The following PCLO variants were observed in gnomAD, a reference collection of about 807,000 sequenced individuals.
PCLO encodes the protein protein piccolo.
PCLO carries 82 observed loss-of-function variants against 427.5 expected under a neutral mutation model. That is an observed-to-expected ratio of 0.19 (90% CI 0.16 to 0.23). PCLO has a LOEUF of 0.23. Ranked by LOEUF, PCLO falls within the 10% of genes least tolerant of loss-of-function variation. The probability of loss-of-function intolerance (pLI) is 1.00; values close to 1 mark genes in which losing one functional copy is unlikely to be tolerated. For synonymous variants in PCLO, 2,357 were observed against 2,155.4 expected, an observed-to-expected ratio of 1.09 and a Z score of -2.59; for missense variants, 6,239 against 6,115.9, an observed-to-expected ratio of 1.02 and a Z score of -0.67.
chr7:82,836,188 T>C (rs971200796), intron 15 of PCLO, among the ~76,000 whole-genome samples: 6 of 152,132 alleles, frequency 3.9e-5, no homozygotes, highest in African/African-American at 1.2e-4. Flanking sequence ...AAATAAAAGA[T>C]AGATACTCCC....
intron 12 of PCLO, 94 bp from the exon 13 acceptor site, chr7:82,845,579 A>G: frequency 1.3e-6 from 1 of 776,362 alleles, no homozygotes; most frequent in African/African-American, 1.7e-5. Context: ...AAGGTAAAAC[A>G]TTACCTATAA....
chr7:82,792,229 T>G (rs1053204220), intron 22 of PCLO, among the ~76,000 whole-genome samples: 1 of 152,276 alleles, frequency 6.6e-6, no homozygotes, highest in South Asian at 2.1e-4. Context: ...GAAAATTATT[T>G]ACTTCAAATA....
At chr7:82,869,881 A>G (rs1298359206) in intron 10 of PCLO, among the ~76,000 whole-genome samples, 4 of 152,050 alleles carry the variant, frequency 2.6e-5, no homozygotes, top group Non-Finnish European at 5.9e-5. Context: ...AAAACATGAA[A>G]TATCTTTTCA....
intron 3 of PCLO, among the ~76,000 whole-genome samples, chr7:83,048,451 A>G (rs1425271231): frequency 6.6e-6 from 1 of 152,100 alleles, no homozygotes; most frequent in Non-Finnish European, 1.5e-5. Flanking sequence ...GATCTTCTTC[A>G]GTGACATAAA....
intron 10 of PCLO, among the ~76,000 whole-genome samples, chr7:82,867,125 T>A (rs1793115753): frequency 6.6e-6 from 1 of 152,136 alleles, no homozygotes; most frequent in Middle Eastern, 3.2e-3. Context: ...TTGGTCCAGG[T>A]GCAGCGGCTC....
chr7:83,112,333 G>A (rs1452033501), intron 3 of PCLO, among the ~76,000 whole-genome samples: 1 of 152,184 alleles, frequency 6.6e-6, no homozygotes, highest in Admixed American at 6.5e-5. Flanking sequence ...TGGGATTACA[G>A]GCGTGAGCCA....
Position 82,956,824 on chromosome 7 carries a change from T to A in PCLO, c.4129A>T (p.Ile1377Phe), listed in dbSNP as rs1297455649. 2 of 1,613,440 alleles carry A rather than the reference T, an allele frequency of 1.2e-6. No individual in the cohort carries two copies. Among genetic ancestry groups the A allele is most frequent in the African/African-American group, 2.7e-5 (2 of 74,912 alleles). ...SDGISSSLGE[I>F]PSLIPTDEKD... ...TCATCAGTTGGAATAAGACTTGGAA[T>A]TTCACCAAGTGAGCTTGATATTCCA... Residue 1377 changes from isoleucine to phenylalanine, a missense_variant, in exon 5 of 25, where the codon ATT becomes TTT. Ile to Phe is a conservative substitution (Grantham distance 21). Around this residue, in one of 5 missense-constraint regions of PCLO, gnomAD observed 4,677 missense variants for 4,468.4 expected, o/e 1.05. Coordinates refer to ENST00000333891, the MANE Select transcript of PCLO (RefSeq NM_033026.6).
intron 10 of PCLO, among the ~76,000 whole-genome samples, chr7:82,876,443 C>A (rs1793371546): frequency 7.7e-6 from 1 of 130,136 alleles, no homozygotes; most frequent in Admixed American, 8.3e-5. Context: ...GAACTATAGA[C>A]AAAAACAAGT....
chr7:83,099,985 CTTA>C (rs1317848297), intron 3 of PCLO, among the ~76,000 whole-genome samples: 1 of 63,838 alleles, frequency 1.6e-5, no homozygotes, highest in African/African-American at 4.0e-5. Context: ...ATTTACTATA[CTTA>C]TTATATTAAA....
intron 3 of PCLO, among the ~76,000 whole-genome samples, chr7:83,105,138 C>G (rs979304014): frequency 1.3e-5 from 2 of 152,096 alleles, no homozygotes; most frequent in African/African-American, 4.8e-5. Flanking sequence ...AGCTATGATA[C>G]AGATGACAAA....
intron 3 of PCLO, among the ~76,000 whole-genome samples, chr7:83,023,784 G>C (rs1179000606): frequency 1.3e-5 from 2 of 152,164 alleles, no homozygotes; most frequent in African/African-American, 4.8e-5. Context: ...GCCCACCACA[G>C]TGCAGAAGAG....
intron 3 of PCLO, among the ~76,000 whole-genome samples, chr7:82,995,779 C>T (rs1179879685): frequency 1.3e-5 from 2 of 151,776 alleles, no homozygotes; most frequent in Non-Finnish European, 1.5e-5. Context: ...TTATCTCATT[C>T]AGTTTTGTGA....
intron 3 of PCLO, among the ~76,000 whole-genome samples, chr7:82,978,087 C>T (rs1291253616): frequency 5.3e-5 from 8 of 151,352 alleles, no homozygotes; most frequent in Non-Finnish European, 1.2e-4. Context: ...ATATATAAGA[C>T]CATAGCTAGA....
intron 3 of PCLO, among the ~76,000 whole-genome samples, chr7:83,039,099 T>G (rs1788905504): frequency 6.6e-6 from 1 of 152,084 alleles, no homozygotes; most frequent in South Asian, 2.1e-4. Context: ...AAGAGCATTC[T>G]AATAGTTAAT....
intron 9 of PCLO, among the ~76,000 whole-genome samples, chr7:82,879,675 C>T (rs7802315): frequency 2.0e-5 from 3 of 152,142 alleles, no homozygotes; most frequent in Middle Eastern, 3.4e-3. Flanking sequence ...CAATGATTGA[C>T]CTGATATTAA....
chr7:82,754,101 A>G lies in PCLO; in HGVS notation c.*4474T>C, dbSNP rs901514860. ...GTTATCAAGATACATCTTGTATACA[A>G]TCACAAAACCAAGACATATTTTTAC... On this transcript the variant is annotated 3_prime_UTR_variant, in exon 25 of 25. Coordinates refer to ENST00000333891, the MANE Select transcript of PCLO (RefSeq NM_033026.6). The G allele has an allele frequency of 6.6e-6, 1 of 152,152 alleles. No individual in the cohort carries two copies. The highest frequency in any genetic ancestry group is 1.5e-5 in the Non-Finnish European group (1 of 68,004). 9.4% of individuals were successfully genotyped at this position (152,152 alleles called of 1,614,324 possible).
In PCLO at chr7:82,952,108, A is replaced by G; in HGVS notation, c.8845T>C (p.Phe2949Leu). 6.2e-7 allele frequency: 1 copy of G among 1,613,918 alleles called. No individual in the cohort carries two copies. Among genetic ancestry groups the G allele is most frequent in the Non-Finnish European group, 8.5e-7 (1 of 1,179,856 alleles). The change falls in exon 5 of 25, where the codon TTT (phenylalanine) becomes CTT (leucine). Residue 2949 changes from phenylalanine (F) to leucine (L), a missense_variant. Phe to Leu is a conservative substitution (Grantham distance 22). This residue lies in a region of PCLO where 4,677 missense variants were observed against 4,468.4 expected (regional missense o/e 1.05). Transcript: ENST00000333891. ...VCCDVVYKLPFGRSCTAQQPA... is the reference protein window; with the variant it reads ...VCCDVVYKLPLGRSCTAQQPA... ...TGCTGTGCTGTGCAGCTCCTTCCAAATGGTAATTTATAAACCACATCACAG... is the reference window on the plus strand; with the variant it reads ...TGCTGTGCTGTGCAGCTCCTTCCAAGTGGTAATTTATAAACCACATCACAG...
intron 13 of PCLO, among the ~76,000 whole-genome samples, chr7:82,842,595 T>G (rs1420358108): frequency 6.6e-6 from 1 of 151,984 alleles, no homozygotes; most frequent in African/African-American, 2.4e-5. Context: ...CTGCTGATTG[T>G]TTCAATCAAC....
At chr7:83,002,996 T>G (rs1787860172) in intron 3 of PCLO, among the ~76,000 whole-genome samples, 1 of 151,644 alleles carries the variant, frequency 6.6e-6, no homozygotes, top group Non-Finnish European at 1.5e-5. Flanking sequence ...TCATTTTAGA[T>G]TTATTTTTCC....
Sources: gnomAD v4.1 joint callset for allele counts (sites outside exome capture counted in the v4.1 genomes callset) on GRCh38, gnomAD v4.1.1 for gene constraint, gnomAD v4.1.1 regional missense constraint, MANE v1.5 for transcripts, NCBI Gene and HGNC (gene_info 2026-07-23, HGNC 2026-07-21) for gene names.